ADGRE3: variants seen among roughly 807,000 people sequenced by gnomAD.
The protein encoded by ADGRE3 is EGF-like module receptor 3.
ADGRE3 carries 88 observed loss-of-function variants against 80.1 expected under a neutral mutation model. That is an observed-to-expected ratio of 1.10 (90% confidence interval 0.93 to 1.31). ADGRE3 has a LOEUF of 1.31. ADGRE3 is among the 40% of genes most tolerant of loss of function. The pLI, the probability that ADGRE3 is intolerant of heterozygous loss-of-function variation, is 0.00. For synonymous variants in ADGRE3, 281 were observed against 294.8 expected (o/e 0.95, Z 0.48); for missense variants, 715 against 776.5 (o/e 0.92, Z 0.94).
intron 15 of ADGRE3, among the ~76,000 whole-genome samples, chr19:14,620,429 AAT>A (rs1302372746): frequency 1.3e-4 from 18 of 141,672 alleles, no homozygotes; most frequent in Admixed American, 1.4e-4. Flanking sequence ...TGTATATATG[AAT>A]ATATATGTAT....
Position 14,621,715 on chromosome 19 carries a change from C to T in ADGRE3, c.1921-2244G>A, listed in dbSNP as rs1225367915. The stretch of plus-strand genomic sequence containing the variant: ...TTTCACCCGTGTCCCATTTGGCATT[C>T]ATTTTCTCCTTTTCAAATTTAGCAA... On this transcript the variant is annotated intron_variant, in intron 15 of 15. Coordinates refer to ENST00000253673, the MANE Select transcript of ADGRE3 (RefSeq NM_032571.5). 1.4e-5 allele frequency: 15 copies of T among 1,038,368 alleles called. 5 individuals are homozygous for T. The highest frequency in any genetic ancestry group is 2.0e-5 in the Non-Finnish European group (15 of 745,370). 64.3% of individuals were successfully genotyped at this position (1,038,368 alleles called of 1,614,324 possible).
chr19:14,644,324 T>TA, intron 8 of ADGRE3, 49 bp from the exon 9 acceptor site: 1 of 1,317,848 alleles, frequency 7.6e-7, no homozygotes, highest in Non-Finnish European at 1.0e-6. Flanking sequence ...TTTCTTTCTT[T>TA]CTTTTTTTTT....
intron 15 of ADGRE3, among the ~76,000 whole-genome samples, chr19:14,620,554 A>AT (rs1970560332): frequency 4.6e-5 from 1 of 21,522 alleles, no homozygotes; most frequent in African/African-American, 2.1e-4. Flanking sequence ...TATATTATAT[A>AT]TATATATATA....
At chr19:14,604,565 C>T in the ADGRE3 span, among the ~76,000 whole-genome samples, 1 of 152,014 alleles carries the variant, frequency 6.6e-6, no homozygotes, top group African/African-American at 2.4e-5. Flanking sequence ...GAGTTTGAGA[C>T]CAGCCTGGCC....
chr19:14,607,172 T>A, the ADGRE3 span: 1 of 627,664 alleles, frequency 1.6e-6, no homozygotes, highest in Non-Finnish European at 2.3e-6. Context: ...GGGGAGAAGG[T>A]GATGGAGTAC....
At chr19:14,667,620 C>G (rs1972139715) in intron 2 of ADGRE3, among the ~76,000 whole-genome samples, 1 of 151,800 alleles carries the variant, frequency 6.6e-6, no homozygotes, top group Non-Finnish European at 1.5e-5. Context: ...TGTTCTCACT[C>G]ATAGTTGGGA....
At chr19:14,602,182 T>C in the ADGRE3 span, among the ~76,000 whole-genome samples, 2 of 152,250 alleles carry the variant, frequency 1.3e-5, no homozygotes, top group Admixed American at 1.3e-4. Context: ...AATTTATTTA[T>C]GTCATTATAT....
chr19:14,615,751 C>T (rs944951596), downstream of ADGRE3, among the ~76,000 whole-genome samples: 1 of 148,140 alleles, frequency 6.8e-6, no homozygotes, highest in Non-Finnish European at 1.5e-5. Context: ...AACAGAGAGA[C>T]TCTGCTAAAA....
At chr19:14,654,454 G>T (rs1166540554) in intron 6 of ADGRE3, among the ~76,000 whole-genome samples, 2 of 150,108 alleles carry the variant, frequency 1.3e-5, no homozygotes, top group Non-Finnish European at 3.0e-5. Flanking sequence ...TAAAGAGATG[G>T]GGGTCTTGCT....
chr19:14,654,142 T>C (rs899514383), intron 6 of ADGRE3, among the ~76,000 whole-genome samples: 10 of 151,770 alleles, frequency 6.6e-5, no homozygotes, highest in African/African-American at 2.4e-4. Flanking sequence ...TAGTAAAGAT[T>C]AAGTTTCACC....
intron 5 of ADGRE3, 89 bp downstream of exon 5, chr19:14,658,424 C>T: frequency 1.2e-6 from 1 of 835,570 alleles, no homozygotes; most frequent in South Asian, 2.8e-5. Flanking sequence ...TGCCCTAAAT[C>T]CATCCCCATT....
chr19:14,634,819 G>A (rs950348972), intron 11 of ADGRE3, among the ~76,000 whole-genome samples: 1 of 151,484 alleles, frequency 6.6e-6, no homozygotes, highest in Non-Finnish European at 1.5e-5. Flanking sequence ...ATGGGTCGGG[G>A]GTTCAGGGCC....
At chr19:14,660,633 A>AC (rs1971920613) in intron 4 of ADGRE3, among the ~76,000 whole-genome samples, 1 of 151,672 alleles carries the variant, frequency 6.6e-6, no homozygotes, top group African/African-American at 2.4e-5. Flanking sequence ...CTTAAAAAAA[A>AC]AAAAAGTTTC....
intron 2 of ADGRE3, among the ~76,000 whole-genome samples, chr19:14,665,207 GTGCCCGCCACCACGCCCGGCTAATTTT>G (rs1972057658): frequency 6.6e-6 from 1 of 151,670 alleles, no homozygotes; most frequent in Non-Finnish European, 1.5e-5. Flanking sequence ...GGGACTAGAG[GTGCCCGCCACCACGCCCGGCTAATTTT>G]TGTATTTTTA....
intron 7 of ADGRE3, among the ~76,000 whole-genome samples, chr19:14,650,506 A>G (rs978455486): frequency 2.2e-5 from 3 of 134,006 alleles, no homozygotes; most frequent in African/African-American, 5.7e-5. Flanking sequence ...CTCTCTTCCC[A>G]TCTGTCTCTC....
chr19:14,631,614 ATATAT>A (rs1312833124), intron 13 of ADGRE3, among the ~76,000 whole-genome samples: 1 of 151,656 alleles, frequency 6.6e-6, no homozygotes, highest in Non-Finnish European at 1.5e-5. Context: ...TATGTATAGA[ATATAT>A]TATATGTGTA....
intron 10 of ADGRE3, among the ~76,000 whole-genome samples, chr19:14,640,299 A>G (rs1379180703): frequency 6.6e-6 from 1 of 151,882 alleles, no homozygotes; most frequent in Non-Finnish European, 1.5e-5. Flanking sequence ...CAACTTATTT[A>G]TTTATTTAAG....
At chr19:14,642,861 T>C (rs112190242) in intron 9 of ADGRE3, among the ~76,000 whole-genome samples, 2,413 of 152,348 alleles carry the variant, frequency 0.016, 33 homozygotes, top group Non-Finnish European at 0.023. Context: ...TCTATGTCTC[T>C]GCTATTGTGA....
At chr19:14,654,073 C>T (rs991973872) in intron 6 of ADGRE3, among the ~76,000 whole-genome samples, 1 of 151,788 alleles carries the variant, frequency 6.6e-6, no homozygotes, top group African/African-American at 2.4e-5. Context: ...CCACCTCAGC[C>T]TCTGGAGTAG....
Sources: allele counts gnomAD v4.1 joint callset (sites outside exome capture counted in the v4.1 genomes callset), GRCh38; gene constraint gnomAD v4.1.1; transcripts MANE v1.5; gene names NCBI Gene and HGNC (gene_info 2026-07-23, HGNC 2026-07-21).